The following TBXAS1 variants were observed in gnomAD, a reference collection of about 807,000 sequenced individuals.
TBXAS1 encodes the protein thromboxane-A synthase.
Under a neutral mutation model 60.7 loss-of-function variants are expected in TBXAS1, and 48 were observed. The observed-to-expected ratio is 0.79, with a 90% CI of 0.63 to 1.01. TBXAS1 has a LOEUF of 1.01. TBXAS1 is among the 50% of genes least tolerant of loss of function. The pLI is 0.00. For missense variants in TBXAS1, 685 were observed against 686.3 expected (o/e 1.00, Z 0.02); for synonymous variants, 287 against 269.7 (o/e 1.06, Z -0.63).
intron 4 of TBXAS1, among the ~76,000 whole-genome samples, chr7:139,805,732 T>TCTCTCTCTCTCTC (rs1569492548): frequency 2.0e-4 from 15 of 74,534 alleles, no homozygotes; most frequent in African/African-American, 3.3e-4. Flanking sequence ...CTCTCTCTCT[T>TCTCTCTCTCTCTC]TCTTTCTTTC....
At chr7:139,959,822 T>A (rs1584955766) in intron 8 of TBXAS1, among the ~76,000 whole-genome samples, 2 of 151,914 alleles carry the variant, frequency 1.3e-5, no homozygotes, top group African/African-American at 2.4e-5. Flanking sequence ...GACTGAGAGG[T>A]CTGGGGGTGC....
In TBXAS1 at chr7:139,968,575, G is replaced by A. The variant is rs537833960; in HGVS notation, c.1134+6342G>A. On this transcript the variant is annotated intron_variant, in intron 9 of 12. Transcript: ENST00000448866. ...CTCCCAAAGTGCTGGAATTACAGGC[G>A]TGAGCCACCGCGCCCGGCTTCAATC... 2.6e-4 allele frequency among the ~76,000 whole-genome samples: 40 copies of A among 152,300 alleles called. 1 individual carries two copies. Among genetic ancestry groups the A allele is most frequent in the Middle Eastern group, 3.4e-3 (1 of 294 alleles).
intron 4 of TBXAS1, among the ~76,000 whole-genome samples, chr7:139,912,693 G>A (rs1347050312): frequency 6.6e-6 from 1 of 152,206 alleles, no homozygotes; most frequent in Non-Finnish European, 1.5e-5. Flanking sequence ...GATGCAGACA[G>A]AGGAAAGCTT....
chr7:139,911,398 G>C lies in TBXAS1; in HGVS notation c.333+77G>C. Reference sequence around the variant, plus strand: ...GAGACACTGCATGTCAGATCCAATGGGGATGCAATCAGGCCTCTGATCAGG... The same window carrying C: ...GAGACACTGCATGTCAGATCCAATGCGGATGCAATCAGGCCTCTGATCAGG... On this transcript the variant is annotated intron_variant, in intron 4 of 12. Transcript: ENST00000448866. The C allele has an allele frequency of 2.3e-6, 3 of 1,296,128 alleles. No individual in the cohort carries two copies. In the South Asian group the frequency reaches 3.6e-5, roughly 15 times the overall value. The allele number at this position is 1,296,128 out of a possible 1,614,324, so 80.3% of individuals were successfully genotyped here.
intron 9 of TBXAS1, among the ~76,000 whole-genome samples, chr7:139,993,649 A>G (rs567922512): frequency 2.2e-4 from 33 of 152,236 alleles, no homozygotes; most frequent in Middle Eastern, 3.4e-3. Flanking sequence ...TAGCTATGGG[A>G]TGCCTAGTTT....
chr7:139,803,048 G>T (rs148485599), intron 4 of TBXAS1, among the ~76,000 whole-genome samples: 182 of 152,312 alleles, frequency 1.2e-3, no homozygotes, highest in African/African-American at 4.1e-3. Context: ...TGGTAAAGTG[G>T]GGTACTGCTG....
intron 4 of TBXAS1, among the ~76,000 whole-genome samples, chr7:139,804,456 G>C (rs1797793509): frequency 6.6e-6 from 1 of 152,132 alleles, no homozygotes; most frequent in South Asian, 2.1e-4. Flanking sequence ...TGGACTTTTG[G>C]GTTAATGCTG....
intron 1 of TBXAS1, among the ~76,000 whole-genome samples, chr7:139,865,835 G>A (rs1244723333): frequency 1.1e-5 from 1 of 93,794 alleles, no homozygotes; most frequent in African/African-American, 4.4e-5. Context: ...GAGGGAGGGG[G>A]GAAAGGAAGA....
In TBXAS1 at chr7:139,896,415, C is replaced by A. The variant is rs999437741; in HGVS notation, c.237-14810C>A. Among the ~76,000 whole-genome samples, 1 of 152,140 alleles carries A rather than the reference C, an allele frequency of 6.6e-6. No individual in the cohort carries two copies. The highest frequency in any genetic ancestry group is 1.5e-5 in the Non-Finnish European group (1 of 68,014). ...GCAGAGCAGGGGGAATACTGCACAT[C>A]TGGGGAACCATAAATAACTTTTTCA... On this transcript the variant is annotated intron_variant, in intron 3 of 12. Coordinates refer to ENST00000448866, the MANE Select transcript of TBXAS1 (RefSeq NM_001061.7). The surrounding 1 kb of genome is among the most constrained non-coding windows in gnomAD (Gnocchi z 4.0).
chr7:139,924,591 T>G (rs1414024006), intron 4 of TBXAS1, among the ~76,000 whole-genome samples: 3 of 152,182 alleles, frequency 2.0e-5, no homozygotes, highest in Non-Finnish European at 4.4e-5. Context: ...AAATACTTCC[T>G]CCCAGTCTGT....
At chr7:139,796,257 G>T (rs1458763670) in intron 4 of TBXAS1, among the ~76,000 whole-genome samples, 1 of 152,182 alleles carries the variant, frequency 6.6e-6, no homozygotes, top group Non-Finnish European at 1.5e-5. Flanking sequence ...TAATGGAAAA[G>T]GAATGAATAA....
chr7:139,841,191 G>A lies in TBXAS1; in HGVS notation c.89+11712G>A, dbSNP rs1326904486. Among the ~76,000 whole-genome samples the A allele has an allele frequency of 4.6e-5, 7 of 152,162 alleles. No individual in the cohort carries two copies. The East Asian group carries it at 1.3e-3, about 29-fold the overall frequency. On this transcript the variant is annotated intron_variant, in intron 1 of 12. Transcript: ENST00000448866. ...GCCTGACTCTTTTCTCTCCTCTTCC[G>A]GCCTGGCCTCTAGGCCTTTCTGGAT...
intron 2 of TBXAS1, among the ~76,000 whole-genome samples, chr7:139,782,213 T>G (rs1797025123): frequency 6.6e-6 from 1 of 152,154 alleles, no homozygotes; most frequent in Non-Finnish European, 1.5e-5. Context: ...ACTTTTTTTT[T>G]TTTTTAACAG....
intron 8 of TBXAS1, among the ~76,000 whole-genome samples, chr7:139,960,154 G>T (rs533421917): frequency 3.6e-4 from 55 of 152,330 alleles, no homozygotes; most frequent in African/African-American, 1.1e-3. Context: ...CTCAAGGTCT[G>T]TGGCACCCAT....
At position 139,829,372 on chromosome 7, in the gene TBXAS1, C is replaced by G; in HGVS notation, c.-19C>G. 6.2e-7 allele frequency: 1 copy of G among 1,610,306 alleles called. No individual in the cohort carries two copies. Among genetic ancestry groups the G allele is most frequent in the African/African-American group, 1.3e-5 (1 of 74,984 alleles). Reference sequence around the variant, plus strand: ...CTGTCTCATCTGGAAGACCACCACTCTGGGGTCTCAGAGGAATGATGGAAG... The same window carrying G: ...CTGTCTCATCTGGAAGACCACCACTGTGGGGTCTCAGAGGAATGATGGAAG... On this transcript the variant is annotated 5_prime_UTR_variant, in exon 1 of 13. Transcript: ENST00000448866.
intron 3 of TBXAS1, among the ~76,000 whole-genome samples, chr7:139,898,286 C>T (rs1405296886): frequency 6.6e-6 from 1 of 152,142 alleles, no homozygotes; most frequent in African/African-American, 2.4e-5. Flanking sequence ...GCATCCTCAG[C>T]CTGCTGGGAA....
chr7:139,868,913 G>A lies in TBXAS1; in HGVS notation c.90-3322G>A, dbSNP rs559613433. Reference sequence around the variant, plus strand: ...AGTGATCTGCCTGCCTTGGCTCCCCGAAGTGCTGGGATTACAGGCACGAGC... The same window carrying A: ...AGTGATCTGCCTGCCTTGGCTCCCCAAAGTGCTGGGATTACAGGCACGAGC... On this transcript the variant is annotated intron_variant, in intron 1 of 12. Coordinates refer to ENST00000448866, the MANE Select transcript of TBXAS1 (RefSeq NM_001061.7). Among the ~76,000 whole-genome samples the A allele has an allele frequency of 5.3e-5, 8 of 151,602 alleles. 1 individual carries two copies. The highest frequency in any genetic ancestry group is 2.6e-4 in the Admixed American group (4 of 15,212).
At chr7:139,893,325 GAC>G (rs71170920) in intron 3 of TBXAS1, among the ~76,000 whole-genome samples, 7,854 of 139,886 alleles carry the variant, frequency 0.056, 231 homozygotes, top group African/African-American at 0.088. Flanking sequence ...CTATGGAATA[GAC>G]ACACACACAC....
At chr7:139,841,139 C>T (rs1336458815) in intron 1 of TBXAS1, among the ~76,000 whole-genome samples, 2 of 152,188 alleles carry the variant, frequency 1.3e-5, no homozygotes, top group South Asian at 2.1e-4. Context: ...ACAGAAGCAG[C>T]GTTTAGGGGC....
Sources: gnomAD v4.1 joint callset for allele counts (sites outside exome capture counted in the v4.1 genomes callset) on GRCh38, gnomAD v4.1.1 for gene constraint, Gnocchi (gnomAD v3.1) non-coding constraint, MANE v1.5 for transcripts, NCBI Gene and HGNC (gene_info 2026-07-23, HGNC 2026-07-21) for gene names.